LHX8: variants seen among roughly 807,000 people sequenced by gnomAD.
LHX8 encodes LIM homeobox 8.
A neutral mutation model predicts 40.3 loss-of-function variants in LHX8; 12 were observed. That is an observed-to-expected ratio of 0.30 (90% confidence interval 0.19 to 0.48). The LOEUF (loss-of-function observed/expected upper bound fraction) is 0.48, where lower values mean the gene tolerates loss of function less well. Ranked by LOEUF, LHX8 falls within the 20% of genes least tolerant of loss-of-function variation. The probability of loss-of-function intolerance (pLI) is 0.99; values close to 1 mark genes in which losing one functional copy is unlikely to be tolerated. For synonymous variants in LHX8, 179 were observed against 162.0 expected (o/e 1.10, Z -0.80); for missense variants, 344 against 433.7 (o/e 0.79, Z 1.84).
chr1:75,135,418 C>A (rs1197458246), intron 1 of LHX8, among the ~76,000 whole-genome samples: 1 of 152,218 alleles, frequency 6.6e-6, no homozygotes, highest in Non-Finnish European at 1.5e-5. Context: ...TTTAAACGCC[C>A]TTTGTGTGTG....
chr1:75,142,823 T>G (rs1306410666), intron 4 of LHX8, among the ~76,000 whole-genome samples: 2 of 152,118 alleles, frequency 1.3e-5, no homozygotes, highest in Non-Finnish European at 2.9e-5. Context: ...GCACTGATAT[T>G]TGATACAACA....
At chr1:75,198,422 G>C in the LHX8 span, among the ~76,000 whole-genome samples, 1 of 152,128 alleles carries the variant, frequency 6.6e-6, no homozygotes, top group South Asian at 2.1e-4. Context: ...CCCAACTCTA[G>C]GTACCAGTCC....
In LHX8 at chr1:75,160,912, A is replaced by G. The variant is rs1402280934; in HGVS notation, c.*17A>G. 1 of 1,542,472 alleles carries G rather than the reference A, an allele frequency of 6.5e-7. No homozygotes were observed. On this transcript the variant is annotated 3_prime_UTR_variant, in exon 9 of 9. Coordinates refer to ENST00000356261, the MANE Select transcript of LHX8 (RefSeq NM_001256114.2). ...CATACCTAATTCTTTTTTCAGGGAT[A>G]GACTTGATTAAGGATATAAATTTGT...
chr1:75,145,192 G>C (rs1486932268), intron 6 of LHX8, among the ~76,000 whole-genome samples: 1 of 151,936 alleles, frequency 6.6e-6, no homozygotes, highest in Non-Finnish European at 1.5e-5. Flanking sequence ...TTGCTTTCTG[G>C]GTTCTTCATT....
rs771866163 is a variant in LHX8, at chr1:75,160,908, G to C, written c.*13G>C. 2 of 1,562,734 alleles carry C rather than the reference G, an allele frequency of 1.3e-6. No individual in the cohort carries two copies. The highest frequency in any genetic ancestry group is 8.8e-7 in the Non-Finnish European group (1 of 1,133,576). ...AAGTCATACCTAATTCTTTTTTCAG[G>C]GATAGACTTGATTAAGGATATAAAT... On this transcript the variant is annotated 3_prime_UTR_variant, in exon 9 of 9. Coordinates refer to ENST00000356261, the MANE Select transcript of LHX8 (RefSeq NM_001256114.2).
chr1:75,137,722 T>A (rs1648194500), intron 3 of LHX8, among the ~76,000 whole-genome samples: 1 of 152,222 alleles, frequency 6.6e-6, no homozygotes, highest in Non-Finnish European at 1.5e-5. Flanking sequence ...TTTAAGTTGG[T>A]ATGTATTAAC....
intron 7 of LHX8, among the ~76,000 whole-genome samples, chr1:75,149,110 A>G (rs955412621): frequency 1.3e-5 from 2 of 152,228 alleles, no homozygotes; most frequent in African/African-American, 4.8e-5. Flanking sequence ...ACATGTTCCA[A>G]GATAAATCTT....
chr1:75,153,770 C>T (rs1362854563), intron 7 of LHX8, among the ~76,000 whole-genome samples: 1 of 152,106 alleles, frequency 6.6e-6, no homozygotes, highest in African/African-American at 2.4e-5. Context: ...CTTTTGTTTT[C>T]TTAAACTTTT....
chr1:75,154,510 G>A (rs1172964078), intron 7 of LHX8, among the ~76,000 whole-genome samples: 2 of 151,848 alleles, frequency 1.3e-5, no homozygotes, highest in African/African-American at 4.8e-5. Context: ...GAATCATAGT[G>A]CAACATGTTT....
At chr1:75,186,379 T>C in the LHX8 span, among the ~76,000 whole-genome samples, 12 of 152,076 alleles carry the variant, frequency 7.9e-5, no homozygotes, top group East Asian at 2.1e-3. Flanking sequence ...ACACCAGAAA[T>C]AAGGCTGCAC....
At chr1:75,161,812 C>T (rs779435713), downstream of LHX8, among the ~76,000 whole-genome samples, 27 of 151,870 alleles carry the variant, frequency 1.8e-4, no homozygotes, top group Non-Finnish European at 3.8e-4. Context: ...AAATATGGGC[C>T]ATAATATATT....
At chr1:75,155,331 T>C (rs1364817912) in intron 7 of LHX8, among the ~76,000 whole-genome samples, 1 of 146,880 alleles carries the variant, frequency 6.8e-6, no homozygotes, top group Non-Finnish European at 1.5e-5. Context: ...ACCTCCCAGG[T>C]TCACTCCATT....
chr1:75,175,208 T>C, the LHX8 span, among the ~76,000 whole-genome samples: 1 of 152,244 alleles, frequency 6.6e-6, no homozygotes, highest in Non-Finnish European at 1.5e-5. Context: ...ACTCATTGTT[T>C]GATGGGCATT....
chr1:75,167,184 G>A, the LHX8 span, among the ~76,000 whole-genome samples: 793 of 152,298 alleles, frequency 5.2e-3, 20 homozygotes, highest in East Asian at 0.011. Context: ...AAACTTTCAC[G>A]TCATGCTGTC....
upstream of LHX8, chr1:75,130,418 G>A: frequency 1.9e-6 from 1 of 538,518 alleles, no homozygotes; most frequent in Non-Finnish European, 3.3e-6. Context: ...AGTGAGGAAT[G>A]CCGCGGGGCG....
At chr1:75,191,768 T>C in the LHX8 span, among the ~76,000 whole-genome samples, 10 of 152,260 alleles carry the variant, frequency 6.6e-5, no homozygotes, top group Admixed American at 2.0e-4. Flanking sequence ...AAAAAGGATA[T>C]GAAAGTGGAT....
At position 75,160,889 on chromosome 1, in the gene LHX8, T is replaced by C. The variant is rs543118500; in HGVS notation, c.1035T>C (p.His345=). ...CAATGACACAACTGCCAATAAGTCA[T>C]ACCTAATTCTTTTTTCAGGGATAGA... ...PHSMTQLPIS[H]T is the part of the protein sequence containing the mutation. The change falls in exon 9 of 9, where the codon CAT becomes CAC. Residue 345 remains histidine (H), a synonymous_variant. Transcript: ENST00000356261. 6.2e-7 allele frequency: 1 copy of C among 1,608,378 alleles called. No individual in the cohort carries two copies. The highest frequency in any genetic ancestry group is 8.5e-7 in the Non-Finnish European group (1 of 1,174,900).
chr1:75,136,493 G>C (rs1014805237), intron 1 of LHX8, 110 bp from the exon 2 acceptor site: 1 of 825,782 alleles, frequency 1.2e-6, no homozygotes, highest in South Asian at 1.4e-5. Context: ...GCGCTGCCCC[G>C]CACTCTGAGG....
In LHX8 at chr1:75,160,989, T is replaced by C; in HGVS notation, c.*94T>C. On this transcript the variant is annotated 3_prime_UTR_variant, in exon 9 of 9. Coordinates refer to ENST00000356261, the MANE Select transcript of LHX8 (RefSeq NM_001256114.2). ...AAAAGATATTACTGTTAATTTTTTATTTAACACCTAAAGCATTTCCAACAT... is the reference window on the plus strand; with the variant it reads ...AAAAGATATTACTGTTAATTTTTTACTTAACACCTAAAGCATTTCCAACAT... The C allele has an allele frequency of 1.1e-6, 1 of 948,240 alleles. No homozygotes were observed. The highest frequency in any genetic ancestry group is 1.8e-5 in the Admixed American group (1 of 56,880). The allele number at this position is 948,240 out of a possible 1,614,324, so 58.7% of individuals were successfully genotyped here. A position where few individuals can be genotyped will look rare whatever the true frequency, so the allele number is the denominator to read the frequency against.
Sources: gnomAD v4.1 joint callset for allele counts (sites outside exome capture counted in the v4.1 genomes callset) on GRCh38, gnomAD v4.1.1 for gene constraint, MANE v1.5 for transcripts, NCBI Gene and HGNC (gene_info 2026-07-23, HGNC 2026-07-21) for gene names.